Variants in CRHBP observed in about 807,000 individuals in gnomAD.
CRHBP encodes corticotropin-releasing hormone-binding protein.
Under a neutral mutation model 34.9 loss-of-function variants are expected in CRHBP, and 19 were observed. That is an observed-to-expected ratio of 0.55 (90% CI 0.38 to 0.80). The LOEUF is 0.80. CRHBP is among the 30% of genes least tolerant of loss of function. The probability of loss-of-function intolerance (pLI) is 0.00; values close to 1 mark genes in which losing one functional copy is unlikely to be tolerated. For missense variants in CRHBP, 328 were observed against 409.2 expected, an observed-to-expected ratio of 0.80 and a Z score of 1.71; for synonymous variants, 154 against 153.4, an observed-to-expected ratio of 1.00 and a Z score of -0.03.
chr5:76,975,825 A>AAAAAAAAAATATATATATAT, intron 2 of CRHBP, among the ~76,000 whole-genome samples: 1 of 61,858 alleles, frequency 1.6e-5, no homozygotes, highest in African/African-American at 9.1e-5. Flanking sequence ...AAAAAAAAAA[A>AAAAAAAAAATATATATATAT]ATATATATAT....
chr5:76,967,966 G>T (rs1239374848), intron 6 of CRHBP, among the ~76,000 whole-genome samples: 3 of 151,954 alleles, frequency 2.0e-5, no homozygotes, highest in African/African-American at 7.2e-5. Flanking sequence ...CAAAGTGCTG[G>T]GATTACAGGC....
intron 6 of CRHBP, among the ~76,000 whole-genome samples, chr5:76,964,563 T>C (rs183314199): frequency 3.2e-4 from 48 of 152,302 alleles, no homozygotes; most frequent in African/African-American, 1.1e-3. Context: ...ATAGAAAATA[T>C]TCAGCGTAGG....
rs1745595595 is a variant in CRHBP at position 76,953,124 on chromosome 5, G to C, written c.-11G>C. ...GGAGCAGAGCACAGCAGCTGCAGAG[G>C]CAAGGCCAGCATGTCGCCCAACTTC... On this transcript the variant is annotated 5_prime_UTR_variant, in exon 1 of 7. Coordinates refer to ENST00000274368, the MANE Select transcript of CRHBP (RefSeq NM_001882.4). 6.2e-7 allele frequency: 1 copy of C among 1,614,050 alleles called. No individual in the cohort carries two copies. Among genetic ancestry groups the C allele is most frequent in the Admixed American group, 1.7e-5 (1 of 60,008 alleles).
At chr5:76,975,834 A>AAAAT (rs1330182752) in intron 2 of CRHBP, among the ~76,000 whole-genome samples, 1 of 101,288 alleles carries the variant, frequency 9.9e-6, no homozygotes, top group Admixed American at 9.5e-5. Flanking sequence ...AAATATATAT[A>AAAAT]TATATATATA....
chr5:76,960,857 GAGGTTCA>G (rs779013315), intron 5 of CRHBP, among the ~76,000 whole-genome samples: 36 of 151,548 alleles, frequency 2.4e-4, no homozygotes, highest in Non-Finnish European at 1.6e-4. Context: ...CTCTGCCTCC[GAGGTTCA>G]AGCAATTCTC....
intron 3 of CRHBP, among the ~76,000 whole-genome samples, chr5:76,954,775 C>T (rs1745642705): frequency 6.6e-6 from 1 of 152,150 alleles, no homozygotes. Flanking sequence ...CAGGACAAGA[C>T]CCCTAAGCTC....
At chr5:76,958,547 C>A in intron 4 of CRHBP, 194 bp from the exon 5 acceptor site, 1 of 556,762 alleles carries the variant, frequency 1.8e-6, no homozygotes, top group Non-Finnish European at 3.1e-6. Flanking sequence ...CTGACAATAT[C>A]CACGTGTCAC....
intron 5 of CRHBP, 173 bp from the exon 6 acceptor site, chr5:76,963,170 A>AT (rs1019160034): frequency 3.5e-5 from 20 of 579,672 alleles, no homozygotes; most frequent in Admixed American, 8.1e-5. Flanking sequence ...AATTTTTATG[A>AT]TTTTTTCTCT....
intron 4 of CRHBP, among the ~76,000 whole-genome samples, chr5:76,957,411 G>A (rs1035941126): frequency 1.3e-5 from 2 of 152,324 alleles, no homozygotes; most frequent in Admixed American, 6.5e-5. Flanking sequence ...ATTTGAGACG[G>A]AGTGTTGCTC....
At chr5:76,974,222 G>A (rs908845950), downstream of CRHBP, among the ~76,000 whole-genome samples, 2 of 151,856 alleles carry the variant, frequency 1.3e-5, no homozygotes, top group South Asian at 2.1e-4. Context: ...TCACCAGGTT[G>A]GTCAGGCTGG....
At chr5:76,974,898 G>A (rs1746002082) in intron 2 of CRHBP, among the ~76,000 whole-genome samples, 1 of 152,120 alleles carries the variant, frequency 6.6e-6, no homozygotes, top group African/African-American at 2.4e-5. Flanking sequence ...ATGAAATAGA[G>A]GTCTCTAAAT....
intron 6 of CRHBP, among the ~76,000 whole-genome samples, chr5:76,964,672 G>A (rs112988924): frequency 0.017 from 2,639 of 152,226 alleles, 72 homozygotes; most frequent in African/African-American, 0.061. Flanking sequence ...GGCCAATATG[G>A]TGAAACCCCC....
chr5:76,958,911 T>C (rs762348146), intron 5 of CRHBP, 22 bp downstream of exon 5: 1 of 1,611,370 alleles, frequency 6.2e-7, no homozygotes, highest in South Asian at 1.1e-5. Flanking sequence ...ACTTGTTTCC[T>C]AACCGTTTGA....
chr5:76,965,779 T>G (rs1374601080), intron 6 of CRHBP, among the ~76,000 whole-genome samples: 1 of 152,254 alleles, frequency 6.6e-6, no homozygotes, highest in Admixed American at 6.5e-5. Context: ...TATCACTCTT[T>G]GGTTCATTTT....
chr5:76,974,111 G>T (rs926707710), downstream of CRHBP, among the ~76,000 whole-genome samples: 6 of 152,082 alleles, frequency 3.9e-5, no homozygotes, highest in Non-Finnish European at 5.9e-5. Flanking sequence ...TATTGCCTCA[G>T]CCTCCCAAGT....
chr5:76,957,649 G>A lies in CRHBP; in HGVS notation c.545-1092G>A, dbSNP rs987453096. On this transcript the variant is annotated intron_variant, in intron 4 of 6. Transcript: ENST00000274368. ...TCCACCCGCCTCGGCCTCCCAAAGTGCTGGGATTACAGGCGTGAGCCACCA... is the reference window on the plus strand; with the variant it reads ...TCCACCCGCCTCGGCCTCCCAAAGTACTGGGATTACAGGCGTGAGCCACCA... 2.6e-5 allele frequency among the ~76,000 whole-genome samples: 4 copies of A among 152,150 alleles called. 1 individual carries two copies. Among genetic ancestry groups the A allele is most frequent in the Admixed American group, 2.6e-4 (4 of 15,276 alleles).
At chr5:76,954,933 T>C (rs1745645213) in intron 3 of CRHBP, among the ~76,000 whole-genome samples, 1 of 152,182 alleles carries the variant, frequency 6.6e-6, no homozygotes, top group South Asian at 2.1e-4. Flanking sequence ...GCGTTAGAAA[T>C]AATTTGTAGC....
chr5:76,979,695 G>A (rs112395746), intron 3 of CRHBP, among the ~76,000 whole-genome samples: 10,082 of 152,206 alleles, frequency 0.066, 449 homozygotes, highest in Middle Eastern at 0.099. Context: ...TAGACATAAT[G>A]CTATTGCACA....
chr5:76,975,826 A>ATC (rs1746019798), intron 2 of CRHBP, among the ~76,000 whole-genome samples: 1 of 67,888 alleles, frequency 1.5e-5, no homozygotes, highest in African/African-American at 9.0e-5. Flanking sequence ...AAAAAAAAAA[A>ATC]TATATATATA....
Sources: allele counts gnomAD v4.1 joint callset (sites outside exome capture counted in the v4.1 genomes callset), GRCh38; gene constraint gnomAD v4.1.1; transcripts MANE v1.5; gene names NCBI Gene and HGNC (gene_info 2026-07-23, HGNC 2026-07-21).